The following NRXN1 variants were observed in gnomAD, a reference collection of about 807,000 sequenced individuals.
The protein encoded by NRXN1 is neurexin-1.
NRXN1 carries 39 observed loss-of-function variants against 150.9 expected under a neutral mutation model. The ratio of observed to expected loss-of-function variants is 0.26; its 90% CI spans 0.20 to 0.34. The LOEUF (loss-of-function observed/expected upper bound fraction) is 0.34, where lower values mean the gene tolerates loss of function less well. Among genes scored for constraint, NRXN1 ranks in the 10% least tolerant of loss-of-function variants. The pLI, the probability that NRXN1 is intolerant of heterozygous loss-of-function variation, is 1.00. For missense variants in NRXN1, 1,815 were observed against 1,949.9 expected (o/e 0.93, Z 1.30); for synonymous variants, 924 against 757.0 (o/e 1.22, Z -3.62).
At chr2:50,216,034 G>C (rs1478167265) in intron 18 of NRXN1, among the ~76,000 whole-genome samples, 3 of 151,984 alleles carry the variant, frequency 2.0e-5, no homozygotes, top group East Asian at 3.9e-4. Flanking sequence ...GTGAAGCAAA[G>C]AAAAGATGGT....
At chr2:50,766,988 G>A (rs1356147434) in intron 5 of NRXN1, among the ~76,000 whole-genome samples, 4 of 151,998 alleles carry the variant, frequency 2.6e-5, no homozygotes, top group East Asian at 3.9e-4. Flanking sequence ...TAGAATTAAC[G>A]AAATACCTTG....
At chr2:50,569,767 C>T (rs1443497171) in intron 8 of NRXN1, among the ~76,000 whole-genome samples, 1 of 152,096 alleles carries the variant, frequency 6.6e-6, no homozygotes, top group African/African-American at 2.4e-5. Context: ...AGACCCCTGG[C>T]CCTGTCATTA....
At chr2:50,112,042 C>T (rs573281130) in intron 18 of NRXN1, among the ~76,000 whole-genome samples, 10 of 151,940 alleles carry the variant, frequency 6.6e-5, no homozygotes, top group Middle Eastern at 3.4e-3. Flanking sequence ...CCTTTAATAG[C>T]TGCACTCACT....
chr2:50,988,357 A>C (rs948057679), intron 2 of NRXN1, among the ~76,000 whole-genome samples: 1 of 151,944 alleles, frequency 6.6e-6, no homozygotes, highest in African/African-American at 2.4e-5. Flanking sequence ...TTTTTTCCCC[A>C]AAAAGGGACT....
chr2:50,472,942 G>A (rs1278179294), intron 15 of NRXN1, among the ~76,000 whole-genome samples: 2 of 151,732 alleles, frequency 1.3e-5, no homozygotes, highest in African/African-American at 4.8e-5. Context: ...AATATATCAA[G>A]CATCCACAAG....
At chr2:50,845,575 T>C (rs1326861213) in intron 5 of NRXN1, among the ~76,000 whole-genome samples, 3 of 152,206 alleles carry the variant, frequency 2.0e-5, no homozygotes, top group Non-Finnish European at 4.4e-5. Flanking sequence ...TCTCTGTTTT[T>C]CCCTCACAAA....
chr2:50,836,928 G>A (rs528730518), intron 5 of NRXN1, among the ~76,000 whole-genome samples: 2 of 148,142 alleles, frequency 1.4e-5, no homozygotes, highest in South Asian at 4.3e-4. Flanking sequence ...AAAAAAATCA[G>A]ATAAAACTGA....
At chr2:50,159,183 T>A (rs1169706431) in intron 18 of NRXN1, among the ~76,000 whole-genome samples, 1 of 152,268 alleles carries the variant, frequency 6.6e-6, no homozygotes, top group Middle Eastern at 3.4e-3. Context: ...CTGGAACTGA[T>A]CAGTTGCTCC....
rs2105139134 is a variant in NRXN1 at position 50,723,257 on chromosome 2, G to C, written c.833-99642C>G. On this transcript the variant is annotated intron_variant, in intron 5 of 22. Transcript: ENST00000401669. ...TAAAAACAAATGCAGAATAAGACCT[G>C]AAATACAATATTTGACCACAGTCTA... Among the ~76,000 whole-genome samples, 3 of 152,264 alleles carry C rather than the reference G, an allele frequency of 2.0e-5. No homozygotes were observed. In the Middle Eastern group the frequency reaches 0.01, roughly 518 times the overall value.
At chr2:50,851,875 T>C (rs1028491905) in intron 5 of NRXN1, among the ~76,000 whole-genome samples, 1 of 152,190 alleles carries the variant, frequency 6.6e-6, no homozygotes, top group East Asian at 1.9e-4. Context: ...TTTTTGCTAA[T>C]GGTAACATAA....
intron 5 of NRXN1, among the ~76,000 whole-genome samples, chr2:50,627,522 G>A (rs1316394475): frequency 6.6e-6 from 1 of 151,180 alleles, no homozygotes; most frequent in Admixed American, 6.6e-5. Context: ...AAATGAAATT[G>A]GATCTTTACA....
At chr2:50,213,907 C>T (rs1364818772) in intron 18 of NRXN1, among the ~76,000 whole-genome samples, 2 of 151,924 alleles carry the variant, frequency 1.3e-5, no homozygotes, top group Non-Finnish European at 2.9e-5. Flanking sequence ...TTCACCACAT[C>T]CATCTTTCTA....
chr2:50,554,153 C>CATAT (rs147139531), intron 8 of NRXN1, among the ~76,000 whole-genome samples: 5 of 151,516 alleles, frequency 3.3e-5, no homozygotes, highest in African/African-American at 9.7e-5. Context: ...TAAAAATGTA[C>CATAT]ATATATATAT....
intron 18 of NRXN1, among the ~76,000 whole-genome samples, chr2:50,228,222 T>G (rs1043402651): frequency 6.6e-6 from 1 of 152,090 alleles, no homozygotes; most frequent in Admixed American, 6.6e-5. Context: ...CATATTGAGT[T>G]AAAATATATT....
At chr2:50,411,295 C>G (rs976401242) in intron 17 of NRXN1, among the ~76,000 whole-genome samples, 8 of 152,180 alleles carry the variant, frequency 5.3e-5, no homozygotes, top group Non-Finnish European at 1.0e-4. Context: ...CCCGAGGTGC[C>G]GGGATTGCAG....
intron 5 of NRXN1, among the ~76,000 whole-genome samples, chr2:50,736,659 C>T (rs1288355986): frequency 3.3e-5 from 5 of 152,132 alleles, no homozygotes; most frequent in Admixed American, 2.0e-4. Flanking sequence ...GGTTCTCATT[C>T]TCTCTTGTCT....
intron 5 of NRXN1, among the ~76,000 whole-genome samples, chr2:50,854,280 G>A (rs1456684080): frequency 6.6e-6 from 1 of 151,958 alleles, no homozygotes; most frequent in Non-Finnish European, 1.5e-5. Context: ...CACTTAACTG[G>A]CTAAAAATAC....
chr2:51,017,398 C>T (rs1275189770), intron 2 of NRXN1, among the ~76,000 whole-genome samples: 3 of 142,938 alleles, frequency 2.1e-5, no homozygotes, highest in Non-Finnish European at 4.5e-5. Flanking sequence ...TGCAGTGGCA[C>T]AATAATAGCC....
At position 49,920,195 on chromosome 2, in the gene NRXN1, T is replaced by C. The variant is rs926823660; in HGVS notation, c.*1749A>G. On this transcript the variant is annotated 3_prime_UTR_variant, in exon 23 of 23. Transcript: ENST00000401669. ...AACTAAAACTATATTTAATGATATA[T>C]ATGTAAAACCAGAAAAGTTAAAACA... The C allele has an allele frequency of 6.6e-6, 1 of 152,196 alleles. No individual in the cohort carries two copies. Among genetic ancestry groups the C allele is most frequent in the African/African-American group, 2.4e-5 (1 of 41,454 alleles). 9.4% of individuals were successfully genotyped at this position (152,196 alleles called of 1,614,324 possible). A position where few individuals can be genotyped will look rare whatever the true frequency, so the allele number is the denominator to read the frequency against.
Sources: gnomAD v4.1 joint callset for allele counts (sites outside exome capture counted in the v4.1 genomes callset) on GRCh38, gnomAD v4.1.1 for gene constraint, MANE v1.5 for transcripts, NCBI Gene and HGNC (gene_info 2026-07-23, HGNC 2026-07-21) for gene names.